Variants in PDE1C observed in about 807,000 individuals in gnomAD.
PDE1C encodes the protein phosphodiesterase 1C.
In PDE1C, 62 loss-of-function variants were observed where a neutral mutation model predicts 93.1. The observed-to-expected ratio is 0.67, with a 90% CI of 0.54 to 0.82. The LOEUF (loss-of-function observed/expected upper bound fraction) is 0.82, where lower values mean the gene tolerates loss of function less well. Ranked by LOEUF, PDE1C falls within the 40% of genes least tolerant of loss-of-function variation. The pLI is 0.00. For synonymous variants in PDE1C, 325 were observed against 310.1 expected (o/e 1.05, Z -0.50); for missense variants, 742 against 884.6 (o/e 0.84, Z 2.04).
rs1434820715 is a variant in PDE1C at position 31,934,091 on chromosome 7, G to T, written c.129-53231C>A. Among the ~76,000 whole-genome samples the T allele has an allele frequency of 2.0e-5, 3 of 152,178 alleles. No individual in the cohort carries two copies. The East Asian group carries it at 5.8e-4, about 29-fold the overall frequency. On this transcript the variant is annotated intron_variant, in intron 2 of 17. Transcript: ENST00000396191. ...ATGGTATGAAAAGAAACAGGGAATT[G>T]TCTTGAATAGTTAAGTGCTTCATCC...
intron 5 of PDE1C, among the ~76,000 whole-genome samples, chr7:31,873,681 A>T (rs1796210188): frequency 6.6e-6 from 1 of 152,240 alleles, no homozygotes; most frequent in African/African-American, 2.4e-5. Flanking sequence ...ATAAATATGT[A>T]AATTATCCTG....
intron 1 of PDE1C, among the ~76,000 whole-genome samples, chr7:32,374,179 A>AAAGAAAG (rs1554313956): frequency 0.079 from 2,472 of 31,232 alleles, 72 homozygotes; most frequent in African/African-American, 0.091. Context: ...AGAAAGAAAG[A>AAAGAAAG]AAGAAAGAAA....
chr7:32,173,491 A>AAATAT (rs1802782592), intron 2 of PDE1C, among the ~76,000 whole-genome samples: 1 of 130,222 alleles, frequency 7.7e-6, no homozygotes, highest in African/African-American at 2.9e-5. Context: ...AGTAAAATAA[A>AAATAT]AATAGAATAA....
At chr7:32,330,579 T>C (rs996948881) in intron 1 of PDE1C, among the ~76,000 whole-genome samples, 1 of 152,254 alleles carries the variant, frequency 6.6e-6, no homozygotes, top group African/African-American at 2.4e-5. Context: ...CTTCCCACAG[T>C]GCATTTGGAT....
chr7:32,345,986 C>G (rs1783846188), intron 1 of PDE1C, among the ~76,000 whole-genome samples: 1 of 152,146 alleles, frequency 6.6e-6, no homozygotes, highest in Non-Finnish European at 1.5e-5. Flanking sequence ...AATTACATTC[C>G]CAAGTATCCC....
chr7:31,663,549 T>C, the PDE1C span, among the ~76,000 whole-genome samples: 1 of 152,246 alleles, frequency 6.6e-6, no homozygotes, highest in Admixed American at 6.5e-5. Flanking sequence ...GGAACTTTTT[T>C]CCATAGTTGT....
chr7:31,715,835 C>T, the PDE1C span, among the ~76,000 whole-genome samples: 1 of 152,172 alleles, frequency 6.6e-6, no homozygotes, highest in African/African-American at 2.4e-5. Context: ...CTCATCAGTA[C>T]CTAAATCATC....
chr7:32,041,455 T>C (rs755713946), intron 2 of PDE1C, among the ~76,000 whole-genome samples: 7 of 152,060 alleles, frequency 4.6e-5, no homozygotes, highest in Non-Finnish European at 1.0e-4. Flanking sequence ...CCCAAATTTA[T>C]GAGAATAAAC....
intron 7 of PDE1C, among the ~76,000 whole-genome samples, chr7:31,858,182 T>C (rs1794255681): frequency 6.6e-6 from 1 of 152,096 alleles, no homozygotes; most frequent in African/African-American, 2.4e-5. Flanking sequence ...ACAGAGAGTG[T>C]TTGGCTTTCT....
chr7:32,216,882 G>A (rs566560443), intron 1 of PDE1C, among the ~76,000 whole-genome samples: 7 of 152,328 alleles, frequency 4.6e-5, no homozygotes, highest in Non-Finnish European at 7.3e-5. Context: ...GGGCTGCACC[G>A]AGAGAAGAGC....
chr7:32,243,567 T>C (rs113081439), intron 1 of PDE1C, among the ~76,000 whole-genome samples: 15 of 152,242 alleles, frequency 9.9e-5, no homozygotes, highest in African/African-American at 3.4e-4. Context: ...CACACAGACC[T>C]GGAGAAAAGT....
At chr7:31,902,806 T>C (rs1187622994) in intron 2 of PDE1C, among the ~76,000 whole-genome samples, 1 of 151,200 alleles carries the variant, frequency 6.6e-6, no homozygotes, top group Non-Finnish European at 1.5e-5. Context: ...ATAATATTGA[T>C]ATACTATTTA....
At chr7:31,964,726 C>T (rs540872038) in intron 2 of PDE1C, among the ~76,000 whole-genome samples, 178 of 152,282 alleles carry the variant, frequency 1.2e-3, no homozygotes, top group Middle Eastern at 3.4e-3. Context: ...TGGACTGACA[C>T]CTCAAACGGC....
chr7:32,206,816 C>G (rs1805592960), intron 2 of PDE1C, among the ~76,000 whole-genome samples: 1 of 152,242 alleles, frequency 6.6e-6, no homozygotes, highest in South Asian at 2.1e-4. Flanking sequence ...CTCAAACCAT[C>G]TGCTGGTTGG....
At chr7:31,886,615 C>G (rs769375325) in intron 2 of PDE1C, among the ~76,000 whole-genome samples, 1 of 152,082 alleles carries the variant, frequency 6.6e-6, no homozygotes, top group Non-Finnish European at 1.5e-5. Flanking sequence ...TAAGAAAGCA[C>G]AGAGGAGAGG....
chr7:32,304,612 G>A (rs1296832710), intron 1 of PDE1C, among the ~76,000 whole-genome samples: 4 of 151,176 alleles, frequency 2.6e-5, no homozygotes, highest in South Asian at 2.1e-4. Flanking sequence ...ACGGCTCCAC[G>A]GCAAATAGGT....
intron 1 of PDE1C, among the ~76,000 whole-genome samples, chr7:32,290,086 G>C (rs215598): frequency 0.5 from 76,332 of 151,950 alleles, 22,125 homozygotes; most frequent in Admixed American, 0.64. Context: ...GGGAAGGCCT[G>C]GTTCTCAGGC....
intron 2 of PDE1C, among the ~76,000 whole-genome samples, chr7:32,189,811 T>A (rs1350738012): frequency 6.6e-6 from 1 of 152,196 alleles, no homozygotes; most frequent in Non-Finnish European, 1.5e-5. Flanking sequence ...TTTTTCTACT[T>A]TTTGCCCAAA....
intron 2 of PDE1C, among the ~76,000 whole-genome samples, chr7:31,913,013 T>G (rs2128941979): frequency 6.6e-6 from 1 of 152,306 alleles, no homozygotes; most frequent in Non-Finnish European, 1.5e-5. Context: ...ATTTCATATT[T>G]TAACCTGTAG....
Sources: allele counts gnomAD v4.1 joint callset (sites outside exome capture counted in the v4.1 genomes callset), GRCh38; gene constraint gnomAD v4.1.1; transcripts MANE v1.5; gene names NCBI Gene and HGNC (gene_info 2026-07-23, HGNC 2026-07-21).